Variants in DYM observed in about 807,000 individuals in gnomAD.
DYM encodes the protein dyggve-Melchior-Clausen syndrome protein.
A neutral mutation model predicts 93.1 loss-of-function variants in DYM; 78 were observed. That is an observed-to-expected ratio of 0.84 (90% confidence interval 0.70 to 1.01). DYM has a LOEUF of 1.01. DYM is among the 50% of genes least tolerant of loss of function. DYM has a pLI of 0.00. For synonymous variants in DYM, 321 were observed against 319.7 expected (o/e 1.00, Z -0.04); for missense variants, 789 against 845.0 (o/e 0.93, Z 0.82).
chr18:49,426,330 G>A (rs2074280564), intron 2 of DYM, among the ~76,000 whole-genome samples: 1 of 147,244 alleles, frequency 6.8e-6, no homozygotes, highest in South Asian at 2.1e-4. Context: ...CTCACTCATA[G>A]GTGGGAATTG....
At chr18:49,275,346 G>T (rs2094824735) in intron 10 of DYM, among the ~76,000 whole-genome samples, 1 of 152,164 alleles carries the variant, frequency 6.6e-6, no homozygotes, top group South Asian at 2.1e-4. Context: ...CCTTGTGCCA[G>T]TACCACACTG....
chr18:49,056,008 C>T (rs946296262), intron 17 of DYM, among the ~76,000 whole-genome samples: 1 of 152,118 alleles, frequency 6.6e-6, no homozygotes, highest in Non-Finnish European at 1.5e-5. Context: ...GCAGCTGAGG[C>T]GACTCAGCCC....
chr18:49,097,715 G>T (rs1321563437), intron 16 of DYM, among the ~76,000 whole-genome samples, 200 bp from the exon 17 acceptor site: 2 of 152,048 alleles, frequency 1.3e-5, no homozygotes, highest in African/African-American at 4.8e-5. Flanking sequence ...AATATCCAGG[G>T]CTGATTATTC....
chr18:49,328,757 G>A (rs2063097497), intron 8 of DYM, among the ~76,000 whole-genome samples: 1 of 152,122 alleles, frequency 6.6e-6, no homozygotes, highest in African/African-American at 2.4e-5. Flanking sequence ...CAGTTAGAAT[G>A]GCAATCATTG....
intron 2 of DYM, among the ~76,000 whole-genome samples, chr18:49,415,043 G>T (rs1218643830): frequency 1.3e-5 from 2 of 151,772 alleles, no homozygotes; most frequent in Non-Finnish European, 2.9e-5. Context: ...GGAGTACAGT[G>T]GCATGACCTC....
intron 15 of DYM, among the ~76,000 whole-genome samples, chr18:49,152,580 C>G (rs2144766138): frequency 6.6e-6 from 1 of 152,224 alleles, no homozygotes; most frequent in East Asian, 1.9e-4. Flanking sequence ...CAGGAGGTTC[C>G]TCAAATAATT....
intron 13 of DYM, among the ~76,000 whole-genome samples, chr18:49,245,116 A>C (rs563357688): frequency 6.6e-6 from 1 of 152,316 alleles, no homozygotes; most frequent in East Asian, 1.9e-4. Flanking sequence ...TCCCCAATCA[A>C]TACTTTTATA....
chr18:49,436,181 T>C (rs1339450509), intron 1 of DYM, among the ~76,000 whole-genome samples: 1 of 152,088 alleles, frequency 6.6e-6, no homozygotes, highest in African/African-American at 2.4e-5. Flanking sequence ...CCCTGCTAAC[T>C]TTTTTAAATT....
intron 17 of DYM, among the ~76,000 whole-genome samples, chr18:49,081,682 T>C (rs2078054127): frequency 6.6e-6 from 1 of 152,214 alleles, no homozygotes; most frequent in Non-Finnish European, 1.5e-5. Context: ...CAAGGTTTAG[T>C]CAAAGATGTG....
Position 49,257,689 on chromosome 18 carries a change from A to AAC in DYM, c.1366-586_1366-585insGT, listed in dbSNP as rs1429033242. On this transcript the variant is annotated intron_variant, in intron 12 of 17. Transcript: ENST00000675505. ...TAGCGAGACTTTGGCTATTTAAAAAAAAAAAAAAATTAGTCAGGTGTAGTG... is the reference window on the plus strand; with the variant it reads ...TAGCGAGACTTTGGCTATTTAAAAAAACAAAAAAAAATTAGTCAGGTGTAGTG... Among the ~76,000 whole-genome samples, 43 of 151,736 alleles carry AAC rather than the reference A, an allele frequency of 2.8e-4. 1 individual carries two copies. The highest frequency in any genetic ancestry group is 2.8e-3 in the Admixed American group (43 of 15,230).
At chr18:49,123,757 G>A (rs1415817199) in intron 15 of DYM, among the ~76,000 whole-genome samples, 1 of 152,136 alleles carries the variant, frequency 6.6e-6, no homozygotes, top group Non-Finnish European at 1.5e-5. Context: ...TTCAAATTTG[G>A]AACTAACAAG....
chr18:49,265,259 T>C (rs1274285204), intron 11 of DYM, among the ~76,000 whole-genome samples: 1 of 152,156 alleles, frequency 6.6e-6, no homozygotes, highest in African/African-American at 2.4e-5. Flanking sequence ...AAGAAGTACA[T>C]GTGTGACTGA....
chr18:49,457,722 G>C lies in DYM; in HGVS notation c.-54+2676C>G, dbSNP rs1293692928. Among the ~76,000 whole-genome samples, 3 of 152,202 alleles carry C rather than the reference G, an allele frequency of 2.0e-5. No individual in the cohort carries two copies. In the South Asian group the frequency reaches 6.2e-4, roughly 32 times the overall value. ...AATCCATGGAAGCTCTGATTATGTT[G>C]CTGGGAAAAGAGACTTTGCAGGCGT... On this transcript the variant is annotated intron_variant, in intron 1 of 17. Transcript: ENST00000675505.
chr18:49,118,929 T>C lies in DYM; in HGVS notation c.1729-3A>G. 1 of 1,613,798 alleles carries C rather than the reference T, an allele frequency of 6.2e-7. No homozygotes were observed. Among genetic ancestry groups the C allele is most frequent in the Non-Finnish European group, 8.5e-7 (1 of 1,179,806 alleles). The stretch of plus-strand genomic sequence containing the variant: ...TCAATGACATTTAGGTCTTGTGCCT[T>C]ATAGAGAAAAGAAACCCCAACACAG... On this transcript the variant is annotated splice_polypyrimidine_tract_variant and splice_region_variant and intron_variant, in intron 15 of 17. Coordinates refer to ENST00000675505, the MANE Select transcript of DYM (RefSeq NM_001353214.3).
intron 17 of DYM, among the ~76,000 whole-genome samples, chr18:49,085,606 C>CTTTTTTTTTTTTTTT (rs11437833): frequency 7.8e-5 from 8 of 102,172 alleles, no homozygotes; most frequent in Non-Finnish European, 1.2e-4. Context: ...ACAACTGGTC[C>CTTTTTTTTTTTTTTT]TTTTTTTTTT....
At chr18:49,307,268 C>T (rs2061328845) in intron 8 of DYM, among the ~76,000 whole-genome samples, 1 of 151,904 alleles carries the variant, frequency 6.6e-6, no homozygotes, top group African/African-American at 2.4e-5. Flanking sequence ...TTGCACATTG[C>T]CTCATCATGG....
At chr18:49,390,717 A>T (rs1045847820) in intron 3 of DYM, 1 of 152,142 alleles carries the variant, frequency 6.6e-6, no homozygotes, top group Non-Finnish European at 1.5e-5. Flanking sequence ...ATCTTGGCCA[A>T]GCTGGTCTTG....
At chr18:49,058,460 C>T (rs1188519338) in intron 17 of DYM, among the ~76,000 whole-genome samples, 1 of 152,074 alleles carries the variant, frequency 6.6e-6, no homozygotes, top group African/African-American at 2.4e-5. Flanking sequence ...GCTAGGACCA[C>T]AGGTCTGCAC....
At chr18:49,168,662 T>C (rs2088230590) in intron 14 of DYM, among the ~76,000 whole-genome samples, 1 of 151,980 alleles carries the variant, frequency 6.6e-6, no homozygotes, top group Non-Finnish European at 1.5e-5. Flanking sequence ...GAAAGAGACA[T>C]GGCTCCCCGC....
Sources: gnomAD v4.1 joint callset for allele counts (sites outside exome capture counted in the v4.1 genomes callset) on GRCh38, gnomAD v4.1.1 for gene constraint, MANE v1.5 for transcripts, NCBI Gene and HGNC (gene_info 2026-07-23, HGNC 2026-07-21) for gene names.